Variants in SLIT3 observed in about 807,000 individuals in gnomAD.
The protein encoded by SLIT3 is slit homolog 3 protein.
Under a neutral mutation model 184.0 loss-of-function variants are expected in SLIT3, and 68 were observed. That is an observed-to-expected ratio of 0.37 (90% CI 0.30 to 0.45). The LOEUF (loss-of-function observed/expected upper bound fraction) is 0.45. Among genes scored for constraint, SLIT3 ranks in the 20% least tolerant of loss-of-function variants. The probability of loss-of-function intolerance (pLI) is 1.00; values close to 1 mark genes in which losing one functional copy is unlikely to be tolerated. For synonymous variants in SLIT3, 831 were observed against 828.6 expected (o/e 1.00, Z -0.05); for missense variants, 1,707 against 2,026.0 (o/e 0.84, Z 3.02).
intron 4 of SLIT3, among the ~76,000 whole-genome samples, chr5:168,907,364 C>T (rs1426865136): frequency 2.0e-5 from 3 of 152,152 alleles, no homozygotes; most frequent in Admixed American, 6.5e-5. Flanking sequence ...TCCTCTTCCA[C>T]GTTGCTGGTT....
intron 4 of SLIT3, among the ~76,000 whole-genome samples, chr5:169,154,173 C>T (rs2002893): frequency 2.0e-4 from 30 of 152,154 alleles, no homozygotes; most frequent in African/African-American, 4.3e-4. Context: ...GGGGTTTCAC[C>T]GTGGTCTCGA....
chr5:168,963,333 A>C (rs565276835), intron 4 of SLIT3, among the ~76,000 whole-genome samples: 4 of 152,174 alleles, frequency 2.6e-5, no homozygotes, highest in Non-Finnish European at 5.9e-5. Flanking sequence ...CATCACACCC[A>C]GCTGATTTTT....
chr5:169,130,668 AAT>A (rs1214887535), intron 4 of SLIT3, among the ~76,000 whole-genome samples: 1 of 152,198 alleles, frequency 6.6e-6, no homozygotes, highest in East Asian at 1.9e-4. Flanking sequence ...GAAATAGTTC[AAT>A]ATGTCATCCA....
chr5:168,986,645 G>C (rs114914672), intron 4 of SLIT3, among the ~76,000 whole-genome samples: 3 of 152,108 alleles, frequency 2.0e-5, no homozygotes, highest in Non-Finnish European at 4.4e-5. Context: ...GCTAGTGGGA[G>C]TTTTCTCCAC....
At chr5:168,758,613 C>T (rs1331204593) in intron 16 of SLIT3, among the ~76,000 whole-genome samples, 2 of 152,164 alleles carry the variant, frequency 1.3e-5, no homozygotes, top group African/African-American at 2.4e-5. Flanking sequence ...TCTCAGCTGG[C>T]CCCCCAACGT....
At chr5:169,164,080 G>T (rs111563661) in intron 4 of SLIT3, among the ~76,000 whole-genome samples, 1 of 152,150 alleles carries the variant, frequency 6.6e-6, no homozygotes, top group African/African-American at 2.4e-5. Flanking sequence ...AAGGATGTTC[G>T]CAAATCAACA....
chr5:169,207,181 C>G (rs962202799), intron 3 of SLIT3, among the ~76,000 whole-genome samples: 1 of 151,950 alleles, frequency 6.6e-6, no homozygotes, highest in Non-Finnish European at 1.5e-5. Flanking sequence ...GCGAGCAGTT[C>G]CACATCCCAA....
intron 1 of SLIT3, among the ~76,000 whole-genome samples, chr5:169,283,610 G>A (rs1294282916): frequency 6.6e-6 from 1 of 152,192 alleles, no homozygotes; most frequent in Non-Finnish European, 1.5e-5. Context: ...GTCTTAGGCA[G>A]CCAGAAAACA....
At chr5:168,694,741 C>A (rs1331219061) in intron 28 of SLIT3, among the ~76,000 whole-genome samples, 2 of 152,176 alleles carry the variant, frequency 1.3e-5, no homozygotes, top group Non-Finnish European at 2.9e-5. Flanking sequence ...GCCTCAGCTT[C>A]CTGAGTAGCT....
chr5:169,288,355 G>GTT (rs11462191), intron 1 of SLIT3, among the ~76,000 whole-genome samples: 19 of 151,296 alleles, frequency 1.3e-4, no homozygotes, highest in Admixed American at 5.3e-4. Flanking sequence ...TCCCCCTTGA[G>GTT]TTTTTTTTTA....
intron 1 of SLIT3, chr5:169,263,506 G>A (rs1461217751): frequency 2.5e-6 from 1 of 399,614 alleles, no homozygotes; most frequent in East Asian, 1.1e-4. Context: ...GATTTCAGAA[G>A]GAGCCTGGCC....
At chr5:168,834,598 C>T (rs867879282) in intron 6 of SLIT3, among the ~76,000 whole-genome samples, 9 of 143,126 alleles carry the variant, frequency 6.3e-5, no homozygotes, top group Non-Finnish European at 1.1e-4. Flanking sequence ...AGGCTGAGGG[C>T]AGGAGGTGAG....
chr5:169,028,244 GA>G lies in SLIT3; in HGVS notation c.414-144909del, dbSNP rs113331358. On this transcript the variant is annotated intron_variant, in intron 4 of 35. Coordinates refer to ENST00000519560, the MANE Select transcript of SLIT3 (RefSeq NM_003062.4). ...CCAAATGTTTGGTTATTAGTGATGG[GA>G]AAAAAAAAAAATCTGTGAATTATGT... Among the ~76,000 whole-genome samples the G allele has an allele frequency of 6.8e-3, 1,005 of 147,692 alleles. 3 individuals are homozygous for G. The highest frequency in any genetic ancestry group is 0.019 in the East Asian group (98 of 5,044).
At chr5:168,694,950 C>T (rs1460506331) in intron 28 of SLIT3, among the ~76,000 whole-genome samples, 1 of 152,212 alleles carries the variant, frequency 6.6e-6, no homozygotes, top group Non-Finnish European at 1.5e-5. Context: ...TTTCTCCCAG[C>T]ACAGAAGCTT....
intron 1 of SLIT3, among the ~76,000 whole-genome samples, chr5:169,263,267 A>AG (rs1046178760): frequency 3.9e-5 from 6 of 152,090 alleles, no homozygotes; most frequent in Non-Finnish European, 8.8e-5. Context: ...GTTTAAGCCC[A>AG]GGGGGGCAGA....
At chr5:169,245,610 T>C (rs1184570637) in intron 2 of SLIT3, among the ~76,000 whole-genome samples, 7 of 152,112 alleles carry the variant, frequency 4.6e-5, no homozygotes, top group Admixed American at 2.6e-4. Flanking sequence ...TTAACGGGGA[T>C]GCAATTGTGA....
chr5:168,998,958 G>A (rs1020246590), intron 4 of SLIT3, among the ~76,000 whole-genome samples: 3 of 151,606 alleles, frequency 2.0e-5, no homozygotes, highest in Admixed American at 1.3e-4. Flanking sequence ...CTTTTGCCCA[G>A]GCTGGAGTGC....
At position 168,673,292 on chromosome 5, in the gene SLIT3, C is replaced by T. The variant is rs1761309269; in HGVS notation, c.3726G>A (p.Glu1242=). 6.2e-7 allele frequency: 1 copy of T among 1,614,110 alleles called. No homozygotes were observed. Residue 1242 remains glutamate, a synonymous_variant, in exon 33 of 36, where the codon GAG becomes GAA. Coordinates refer to ENST00000519560, the MANE Select transcript of SLIT3 (RefSeq NM_003062.4). ...TVNDGQFHSV[E]LVTLNQTLNL... Reference sequence around the variant, plus strand: ...TCAGGGTCTGGTTTAGCGTCACCAGCTCCACACTGTGAAACTGCCCATCAT... The same window carrying T: ...TCAGGGTCTGGTTTAGCGTCACCAGTTCCACACTGTGAAACTGCCCATCAT...
chr5:168,703,382 C>T (rs572914173), intron 26 of SLIT3, among the ~76,000 whole-genome samples: 18 of 152,136 alleles, frequency 1.2e-4, no homozygotes, highest in African/African-American at 4.3e-4. Context: ...GGCTGCACAG[C>T]AGGAGGTGAG....
Sources: allele counts gnomAD v4.1 joint callset (sites outside exome capture counted in the v4.1 genomes callset), GRCh38; gene constraint gnomAD v4.1.1; transcripts MANE v1.5; gene names NCBI Gene and HGNC (gene_info 2026-07-23, HGNC 2026-07-21).